Variants in GPM6A observed in about 807,000 individuals in gnomAD.
GPM6A encodes neuronal membrane glycoprotein M6-a.
Under a neutral mutation model 32.1 loss-of-function variants are expected in GPM6A, and 7 were observed. The observed-to-expected ratio is 0.22, with a 90% confidence interval of 0.12 to 0.41. The LOEUF is 0.41. GPM6A is among the 10% of genes least tolerant of loss of function. The pLI, the probability that GPM6A is intolerant of heterozygous loss-of-function variation, is 1.00. For synonymous variants in GPM6A, 130 were observed against 123.4 expected, an observed-to-expected ratio of 1.05 and a Z score of -0.35; for missense variants, 235 against 347.2, an observed-to-expected ratio of 0.68 and a Z score of 2.57.
At chr4:175,748,791 C>A (rs917357376) in intron 1 of GPM6A, among the ~76,000 whole-genome samples, 1 of 152,160 alleles carries the variant, frequency 6.6e-6, no homozygotes, top group African/African-American at 2.4e-5. Flanking sequence ...TACAGGACAT[C>A]TTCCAATATA....
At chr4:175,947,466 G>A (rs1188756544) in intron 1 of GPM6A, among the ~76,000 whole-genome samples, 10 of 151,862 alleles carry the variant, frequency 6.6e-5, no homozygotes, top group Non-Finnish European at 1.5e-4. Flanking sequence ...TATTTATTAA[G>A]TGTAATATTC....
At chr4:175,656,811 G>A (rs1184056510) in intron 3 of GPM6A, among the ~76,000 whole-genome samples, 1 of 152,160 alleles carries the variant, frequency 6.6e-6, no homozygotes, top group Non-Finnish European at 1.5e-5. Context: ...CACCTTGGAA[G>A]TCAGCAGCAT....
chr4:175,721,218 G>T (rs1402871859), intron 1 of GPM6A, among the ~76,000 whole-genome samples: 1 of 148,928 alleles, frequency 6.7e-6, no homozygotes, highest in African/African-American at 2.4e-5. Flanking sequence ...GCTCATGCCT[G>T]TAATCCCAGC....
intron 1 of GPM6A, among the ~76,000 whole-genome samples, chr4:175,977,309 C>T (rs1306463442): frequency 2.0e-5 from 3 of 152,250 alleles, no homozygotes; most frequent in South Asian, 2.1e-4. Flanking sequence ...CAGTCATGTA[C>T]GCCCAAAGTT....
At chr4:175,682,234 A>G (rs989227707) in intron 2 of GPM6A, among the ~76,000 whole-genome samples, 4 of 151,402 alleles carry the variant, frequency 2.6e-5, no homozygotes, top group African/African-American at 9.7e-5. Context: ...TGGCAGAAGA[A>G]ATTTCTAAGC....
Position 175,651,942 on chromosome 4 carries a change from T to C in GPM6A, c.433A>G (p.Thr145Ala). ...YLFMLAWLGV[T>A]AFTSLPVYMY... ...TAAACTGGCAGTGAGGTGAAAGCCG[T>C]GACTCCCAGCCAGGCCAACATGAAA... The change falls in exon 4 of 7, where the codon ACG (threonine) becomes GCG (alanine). Residue 145 changes from threonine to alanine, a missense_variant. By Grantham distance (58) the Thr-to-Ala change is moderately conservative (BLOSUM62 0). This residue lies in a region of GPM6A where 107 missense variants were observed against 116.7 expected (regional missense o/e 0.92). Transcript: ENST00000393658. The C allele has an allele frequency of 6.2e-7, 1 of 1,612,848 alleles. No individual in the cohort carries two copies. The highest frequency in any genetic ancestry group is 8.5e-7 in the Non-Finnish European group (1 of 1,179,176).
At chr4:175,719,166 T>C (rs1745988470) in intron 1 of GPM6A, among the ~76,000 whole-genome samples, 1 of 151,912 alleles carries the variant, frequency 6.6e-6, no homozygotes. Context: ...TTCTATCTCA[T>C]AGTTACTACA....
chr4:175,922,685 T>C (rs917470098), intron 1 of GPM6A, among the ~76,000 whole-genome samples: 1 of 152,178 alleles, frequency 6.6e-6, no homozygotes, highest in Non-Finnish European at 1.5e-5. Flanking sequence ...CTCATTTGAT[T>C]TCCCTTCTAG....
chr4:175,886,010 T>G (rs1737441982), intron 1 of GPM6A, among the ~76,000 whole-genome samples: 1 of 151,962 alleles, frequency 6.6e-6, no homozygotes, highest in Non-Finnish European at 1.5e-5. Flanking sequence ...AAAACAGCAT[T>G]AAGAGACATG....
In GPM6A at chr4:175,860,261, A is replaced by T. The variant is rs573589470; in HGVS notation, c.-22-48012T>A. 2.9e-5 allele frequency among the ~76,000 whole-genome samples: 4 copies of T among 137,716 alleles called. No individual in the cohort carries two copies. In the South Asian group the frequency reaches 8.8e-4, roughly 30 times the overall value. The allele number at this position is 137,716 out of a possible 152,430, so 90.3% of individuals were successfully genotyped here. The stretch of plus-strand genomic sequence containing the variant: ...GAAAAATCAATGAAACTGAAAGCTG[A>T]GTCTTTGAAAAAAAAATCGATAAAA... On this transcript the variant is annotated intron_variant, in intron 1 of 7. Coordinates refer to the GPM6A transcript ENST00000280187.
At chr4:175,970,947 T>C in intron 1 of GPM6A, 1 of 453,732 alleles carries the variant, frequency 2.2e-6, no homozygotes, top group South Asian at 1.6e-5. Flanking sequence ...GGTACAGAGA[T>C]GGACGCCAGA....
chr4:175,714,268 C>G (rs1745713796), intron 1 of GPM6A, among the ~76,000 whole-genome samples: 1 of 152,130 alleles, frequency 6.6e-6, no homozygotes, highest in Non-Finnish European at 1.5e-5. Context: ...AGGAATTACT[C>G]TAAGAAATTT....
intron 1 of GPM6A, among the ~76,000 whole-genome samples, chr4:175,777,647 T>C (rs1320447737): frequency 6.6e-6 from 1 of 152,044 alleles, no homozygotes; most frequent in Non-Finnish European, 1.5e-5. Context: ...GATTTTTAAC[T>C]AGAAAATATC....
At chr4:175,781,956 C>T (rs1733629465) in intron 1 of GPM6A, among the ~76,000 whole-genome samples, 2 of 152,168 alleles carry the variant, frequency 1.3e-5, no homozygotes. Context: ...CAAAGGTCAT[C>T]TAGCACAGTG....
intron 1 of GPM6A, among the ~76,000 whole-genome samples, chr4:175,991,603 C>A (rs1741147864): frequency 6.6e-6 from 1 of 152,088 alleles, no homozygotes. Context: ...TTAATAAAAA[C>A]TATCTACTAA....
chr4:175,636,305 T>TAC (rs1740608500), intron 6 of GPM6A, among the ~76,000 whole-genome samples: 1 of 137,400 alleles, frequency 7.3e-6, no homozygotes, highest in Non-Finnish European at 1.6e-5. Flanking sequence ...TATACATATA[T>TAC]ATATGGATTA....
intron 1 of GPM6A, among the ~76,000 whole-genome samples, chr4:175,724,452 G>A (rs987902599): frequency 1.3e-5 from 2 of 152,166 alleles, no homozygotes; most frequent in African/African-American, 4.8e-5. Context: ...GCTAAGGTGG[G>A]GGGAATCGCT....
intron 1 of GPM6A, among the ~76,000 whole-genome samples, chr4:175,939,360 T>TA (rs1003396252): frequency 1.1e-4 from 17 of 152,364 alleles, no homozygotes; most frequent in Middle Eastern, 3.4e-3. Flanking sequence ...AATAATTTAG[T>TA]AATCTGTACA....
upstream of GPM6A, among the ~76,000 whole-genome samples, chr4:175,816,449 A>T: frequency 6.6e-6 from 1 of 152,246 alleles, no homozygotes; most frequent in East Asian, 1.9e-4. Flanking sequence ...GTAAATATCG[A>T]CATATTCCTC....
Sources: allele counts gnomAD v4.1 joint callset (sites outside exome capture counted in the v4.1 genomes callset), GRCh38; gene constraint gnomAD v4.1.1; regional missense constraint gnomAD v4.1.1; transcripts MANE v1.5; gene names NCBI Gene and HGNC (gene_info 2026-07-23, HGNC 2026-07-21).